Variants in CRYM observed in about 807,000 individuals in gnomAD.
CRYM encodes crystallin mu, also known as ketimine reductase mu-crystallin.
In CRYM, 18 loss-of-function variants were observed where a neutral mutation model predicts 32.9. The ratio of observed to expected loss-of-function variants is 0.55; its 90% confidence interval spans 0.38 to 0.81. CRYM has a LOEUF of 0.81. CRYM is among the 30% of genes least tolerant of loss of function. The probability of loss-of-function intolerance (pLI) is 0.00; values close to 1 mark genes in which losing one functional copy is unlikely to be tolerated. For synonymous variants in CRYM, 153 were observed against 152.4 expected, an observed-to-expected ratio of 1.00 and a Z score of -0.03; for missense variants, 337 against 393.5, an observed-to-expected ratio of 0.86 and a Z score of 1.21.
intron 1 of CRYM, among the ~76,000 whole-genome samples, chr16:21,285,399 C>G (rs1849495789): frequency 6.6e-6 from 1 of 152,214 alleles, no homozygotes; most frequent in Non-Finnish European, 1.5e-5. Context: ...TAATTTCTCT[C>G]TTCTTGAGTT....
intron 1 of CRYM, among the ~76,000 whole-genome samples, chr16:21,293,716 A>C (rs1241165506): frequency 6.6e-6 from 1 of 152,206 alleles, no homozygotes; most frequent in Non-Finnish European, 1.5e-5. Flanking sequence ...GAGTCGCTTC[A>C]TTCCCTTAGA....
At chr16:21,297,429 A>G (rs923100317) in intron 1 of CRYM, among the ~76,000 whole-genome samples, 3 of 152,192 alleles carry the variant, frequency 2.0e-5, no homozygotes, top group Non-Finnish European at 4.4e-5. Flanking sequence ...ACTCATGAAC[A>G]CAAGGAATGC....
rs892888016 is a variant in CRYM, at chr16:21,258,557, A to T, written c.*224T>A. ...AATGTGCTTTATTTCAGGGAAATAT[A>T]AAGGGAAATGAATGCTATTATAACT... On this transcript the variant is annotated 3_prime_UTR_variant, in exon 8 of 8. Coordinates refer to ENST00000572914, the MANE Select transcript of CRYM (RefSeq NM_001376256.1). 1.5e-5 allele frequency: 9 copies of T among 584,704 alleles called. No homozygotes were observed. The highest frequency in any genetic ancestry group is 2.7e-5 in the Non-Finnish European group (9 of 328,470). 36.2% of individuals were successfully genotyped at this position (584,704 alleles called of 1,614,324 possible). A position where few individuals can be genotyped will look rare whatever the true frequency, so the allele number is the denominator to read the frequency against.
At position 21,277,240 on chromosome 16, in the gene CRYM, T is replaced by TTATG. The variant is rs2093388445; in HGVS notation, c.324+187_324+190dup. Among the ~76,000 whole-genome samples the TTATG allele has an allele frequency of 6.6e-6, 1 of 152,182 alleles. No individual in the cohort carries two copies. The highest frequency in any genetic ancestry group is 2.4e-5 in the African/African-American group (1 of 41,450). On this transcript the variant is annotated intron_variant, in intron 2 of 7. Coordinates refer to ENST00000572914, the MANE Select transcript of CRYM (RefSeq NM_001376256.1). The surrounding 1 kb of genome is among the most constrained non-coding windows in gnomAD (Gnocchi z 4.2). ...GGCAGCAGTGGGCGCTGGTGCCGTG[T>TTATG]TATGCATCCTCAGGCAGTCCTAGAA...
In CRYM at chr16:21,277,053, T is replaced by C. The variant is rs146445554; in HGVS notation, c.324+378A>G. 1.2e-4 allele frequency among the ~76,000 whole-genome samples: 18 copies of C among 152,352 alleles called. No individual in the cohort carries two copies. Among genetic ancestry groups the C allele is most frequent in the African/African-American group, 4.3e-4 (18 of 41,580 alleles). On this transcript the variant is annotated intron_variant, in intron 2 of 7. Transcript: ENST00000572914. This position sits in a 1 kb window ranked among gnomAD's most constrained non-coding sequence, Gnocchi z 4.2. ...CCCCTCTGAAGACTCCCAGGGATTA[T>C]AGAACACCCCTTCTTTTCCATGTCG...
chr16:21,265,455 C>T (rs1274208136), intron 5 of CRYM, among the ~76,000 whole-genome samples: 2 of 152,172 alleles, frequency 1.3e-5, no homozygotes, highest in East Asian at 1.9e-4. Flanking sequence ...TTCTACCTTC[C>T]ACCTCCACCA....
chr16:21,300,587 C>T (rs1250815625), intron 1 of CRYM: 1 of 151,592 alleles, frequency 6.6e-6, no homozygotes, highest in African/African-American at 2.4e-5. Flanking sequence ...CTCATCTACT[C>T]ATCAAGCTGG....
In CRYM at chr16:21,276,291, T is replaced by A. The variant is rs150060783; in HGVS notation, c.325-697A>T. On this transcript the variant is annotated intron_variant, in intron 2 of 7. Coordinates refer to ENST00000572914, the MANE Select transcript of CRYM (RefSeq NM_001376256.1). ...AGTCACTGAGCAGATTCAGCTGTCA[T>A]CTAGTTTCAAAGCCTTGGGTTCTAC... is the stretch of plus-strand genomic sequence containing the variant. Among the ~76,000 whole-genome samples, 235 of 152,354 alleles carry A rather than the reference T, an allele frequency of 1.5e-3. 1 individual carries two copies. The highest frequency in any genetic ancestry group is 5.4e-3 in the African/African-American group (225 of 41,584).
intron 6 of CRYM, 64 bp downstream of exon 6, chr16:21,261,973 A>G: frequency 1.9e-6 from 3 of 1,609,192 alleles, no homozygotes; most frequent in South Asian, 1.1e-5. Flanking sequence ...GAAGTTAATG[A>G]AACCCTGGGA....
Position 21,262,163 on chromosome 16 carries a change from G to A in CRYM, c.674-5C>T. On this transcript the variant is annotated splice_region_variant and splice_polypyrimidine_tract_variant and intron_variant, in intron 5 of 7. Coordinates refer to ENST00000572914, the MANE Select transcript of CRYM (RefSeq NM_001376256.1). The stretch of plus-strand genomic sequence containing the variant: ...CAGGTCTGCTGGCTCCAACAGCTAA[G>A]AGACAGCAAAACAGACCTTAAGCCC... 1 of 1,614,056 alleles carries A rather than the reference G, an allele frequency of 6.2e-7. No homozygotes were observed. Among genetic ancestry groups the A allele is most frequent in the Non-Finnish European group, 8.5e-7 (1 of 1,179,954 alleles).
chr16:21,275,624 G>C, intron 2 of CRYM, 30 bp from the exon 3 acceptor site: 1 of 1,563,564 alleles, frequency 6.4e-7, no homozygotes, highest in South Asian at 1.1e-5. Flanking sequence ...AGTGAGCAAG[G>C]GGAACCCCTG....
chr16:21,262,942 A>C (rs1158222777), intron 5 of CRYM, among the ~76,000 whole-genome samples: 3 of 152,160 alleles, frequency 2.0e-5, no homozygotes, highest in Non-Finnish European at 4.4e-5. Context: ...CCTCACAAAA[A>C]TCCCGAAACA....
intron 1 of CRYM, among the ~76,000 whole-genome samples, chr16:21,286,205 ATAGT>A (rs1375636607): frequency 1.3e-5 from 2 of 150,048 alleles, no homozygotes. Context: ...TAGAATAGAC[ATAGT>A]TAAAGACAGA....
At chr16:21,301,666 C>G (rs866818213) in intron 1 of CRYM, among the ~76,000 whole-genome samples, 3 of 152,232 alleles carry the variant, frequency 2.0e-5, no homozygotes, top group Non-Finnish European at 4.4e-5. Flanking sequence ...GACAGCTTCA[C>G]CCGCACCTCC....
intron 1 of CRYM, among the ~76,000 whole-genome samples, chr16:21,298,042 T>C (rs1200168943): frequency 3.9e-5 from 6 of 152,254 alleles, no homozygotes; most frequent in Non-Finnish European, 5.9e-5. Flanking sequence ...CTTGTATAAG[T>C]AGATGCTTGT....
upstream of CRYM, among the ~76,000 whole-genome samples, chr16:21,282,958 T>C (rs543056913): frequency 6.6e-6 from 1 of 151,978 alleles, no homozygotes; most frequent in African/African-American, 2.4e-5. Flanking sequence ...TTATTATAAT[T>C]ATGACTTAAC....
chr16:21,263,357 C>A (rs929096681), intron 5 of CRYM, among the ~76,000 whole-genome samples: 3 of 152,038 alleles, frequency 2.0e-5, no homozygotes, highest in African/African-American at 7.2e-5. Context: ...GCCAAGACTG[C>A]GCCACTGTGC....
At position 21,269,906 on chromosome 16, in the gene CRYM, T is replaced by A; in HGVS notation, c.388-15A>T. ...GGTTTCAGAAACTATATGAGAGAAA[T>A]GAAGTGGCAAAGGTCAAGGGAGACC... is the stretch of plus-strand genomic sequence containing the variant. On this transcript the variant is annotated splice_polypyrimidine_tract_variant and intron_variant, in intron 3 of 7. Transcript: ENST00000572914. 1 of 1,591,520 alleles carries A rather than the reference T, an allele frequency of 6.3e-7. No homozygotes were observed. Among genetic ancestry groups the A allele is most frequent in the Non-Finnish European group, 8.6e-7 (1 of 1,159,882 alleles).
intron 1 of CRYM, among the ~76,000 whole-genome samples, chr16:21,290,752 C>T (rs543740888): frequency 2.0e-5 from 3 of 152,274 alleles, no homozygotes; most frequent in African/African-American, 7.2e-5. Context: ...TTAGAGGAAT[C>T]TCAGCATCAA....
Sources: allele counts gnomAD v4.1 joint callset (sites outside exome capture counted in the v4.1 genomes callset), GRCh38; gene constraint gnomAD v4.1.1; non-coding constraint Gnocchi (gnomAD v3.1); transcripts MANE v1.5; gene names NCBI Gene and HGNC (gene_info 2026-07-23, HGNC 2026-07-21).